TCF12: variants seen among roughly 807,000 people sequenced by gnomAD.
TCF12 encodes the protein transcription factor 12.
A neutral mutation model predicts 86.0 loss-of-function variants in TCF12; 45 were observed. That is an observed-to-expected ratio of 0.52 (90% CI 0.41 to 0.67). TCF12 has a LOEUF of 0.67. TCF12 is among the 30% of genes least tolerant of loss of function. The pLI is 0.00. For missense variants in TCF12, 881 were observed against 859.9 expected, an observed-to-expected ratio of 1.02 and a Z score of -0.31; for synonymous variants, 330 against 299.6, an observed-to-expected ratio of 1.10 and a Z score of -1.05.
chr15:57,257,675 A>AG (rs1266733807), intron 16 of TCF12, among the ~76,000 whole-genome samples: 4 of 26,064 alleles, frequency 1.5e-4, no homozygotes, highest in African/African-American at 4.1e-4. Context: ...AAAAAAAAAA[A>AG]AGTGTATATA....
At chr15:57,065,445 G>C (rs776600641) in intron 4 of TCF12, among the ~76,000 whole-genome samples, 2 of 152,182 alleles carry the variant, frequency 1.3e-5, no homozygotes, top group Non-Finnish European at 1.5e-5. Context: ...ATAGGATCTA[G>C]TTTAGATTTT....
In TCF12 at chr15:57,192,207, C is replaced by A. The variant is rs562344945; in HGVS notation, c.440C>A (p.Ser147Tyr). ...GGGCTTGGGAGCCCAGCACAGCTAT[C>A]TTCTTCAGGAAAACCTGGGACAGCA... ...DLGLGSPAQL[S>Y]SSGKPGTAYY... is the part of the protein sequence containing the mutation. Residue 147 changes from serine (S) to tyrosine (Y), a missense_variant, in exon 7 of 21, where the codon TCT becomes TAT. Around this residue, in one of 3 missense-constraint regions of TCF12, gnomAD observed 766 missense variants for 718.9 expected, o/e 1.07. Transcript: ENST00000333725. 1 of 1,613,926 alleles carries A rather than the reference C, an allele frequency of 6.2e-7. No individual in the cohort carries two copies. The highest frequency in any genetic ancestry group is 1.3e-5 in the African/African-American group (1 of 75,040).
At chr15:57,178,389 T>C (rs577764796) in intron 6 of TCF12, among the ~76,000 whole-genome samples, 1 of 152,136 alleles carries the variant, frequency 6.6e-6, no homozygotes, top group East Asian at 1.9e-4. Flanking sequence ...TCTAATGCTA[T>C]ATTGGGTTTT....
intron 3 of TCF12, among the ~76,000 whole-genome samples, chr15:57,022,468 G>C (rs904206817): frequency 1.3e-5 from 2 of 152,138 alleles, no homozygotes; most frequent in Admixed American, 6.5e-5. Flanking sequence ...GTCTATCATT[G>C]ATGGACATTT....
intron 3 of TCF12, among the ~76,000 whole-genome samples, chr15:56,937,080 A>T (rs1567130155): frequency 6.6e-6 from 1 of 152,022 alleles, no homozygotes; most frequent in East Asian, 1.9e-4. Flanking sequence ...TTTTCACAAT[A>T]TTGATTCTGC....
At chr15:57,027,207 T>G (rs1190654472) in intron 3 of TCF12, among the ~76,000 whole-genome samples, 1 of 152,226 alleles carries the variant, frequency 6.6e-6, no homozygotes, top group Non-Finnish European at 1.5e-5. Context: ...CTCCAGAAAG[T>G]ACCCCCTTTC....
chr15:57,028,214 C>T (rs2915176), intron 3 of TCF12, among the ~76,000 whole-genome samples: 27,572 of 152,090 alleles, frequency 0.18, 3,019 homozygotes, highest in Non-Finnish European at 0.24. Flanking sequence ...GTGATCTGCC[C>T]GCTTTGGCCT....
chr15:56,991,118 T>A (rs2063439159), intron 3 of TCF12, among the ~76,000 whole-genome samples: 1 of 152,124 alleles, frequency 6.6e-6, no homozygotes, highest in South Asian at 2.1e-4. Flanking sequence ...TGTTAACAAA[T>A]CTCAGGGGTT....
intron 3 of TCF12, among the ~76,000 whole-genome samples, chr15:56,986,329 G>T (rs2063177326): frequency 5.3e-5 from 8 of 152,080 alleles, no homozygotes; most frequent in Admixed American, 5.2e-4. Flanking sequence ...CAAAACCAGA[G>T]AAAAAATTTG....
intron 4 of TCF12, among the ~76,000 whole-genome samples, chr15:57,069,190 T>C (rs1332740722): frequency 6.6e-6 from 1 of 152,164 alleles, no homozygotes; most frequent in Non-Finnish European, 1.5e-5. Context: ...TTTTCTAAGA[T>C]ACAGAGTTGG....
intron 3 of TCF12, among the ~76,000 whole-genome samples, chr15:57,010,796 A>G (rs938371124): frequency 7.2e-5 from 11 of 152,158 alleles, no homozygotes; most frequent in African/African-American, 2.4e-4. Flanking sequence ...ATTTAGGAGG[A>G]TGATTAAAAA....
At chr15:57,219,801 C>G (rs1307887771) in intron 8 of TCF12, among the ~76,000 whole-genome samples, 1 of 149,728 alleles carries the variant, frequency 6.7e-6, no homozygotes, top group African/African-American at 2.4e-5. Flanking sequence ...TCTCGGCTCA[C>G]TGCAACCTTC....
At chr15:56,927,815 T>G (rs2060081884) in intron 3 of TCF12, among the ~76,000 whole-genome samples, 1 of 152,136 alleles carries the variant, frequency 6.6e-6, no homozygotes, top group South Asian at 2.1e-4. Flanking sequence ...ATGTTAATGG[T>G]GGAGTTACAT....
chr15:57,196,891 ATAGTTTAT>A (rs2057293070), intron 7 of TCF12, among the ~76,000 whole-genome samples: 1 of 152,202 alleles, frequency 6.6e-6, no homozygotes, highest in Non-Finnish European at 1.5e-5. Flanking sequence ...CCCATATTTA[ATAGTTTAT>A]GTATCATATA....
At chr15:57,020,514 T>C (rs2065413621) in intron 3 of TCF12, among the ~76,000 whole-genome samples, 1 of 152,174 alleles carries the variant, frequency 6.6e-6, no homozygotes, top group African/African-American at 2.4e-5. Flanking sequence ...TTGCCTAATT[T>C]CTGTGTATTA....
At chr15:57,259,126 G>A (rs1229267150) in intron 16 of TCF12, among the ~76,000 whole-genome samples, 2 of 151,952 alleles carry the variant, frequency 1.3e-5, no homozygotes, top group Non-Finnish European at 1.5e-5. Context: ...GCTTTTTTAA[G>A]GGTTTTGGTA....
At chr15:56,933,234 A>G (rs1223215425) in intron 3 of TCF12, among the ~76,000 whole-genome samples, 4 of 152,258 alleles carry the variant, frequency 2.6e-5, no homozygotes, top group African/African-American at 9.6e-5. Context: ...TAAAAATGTT[A>G]TCAAACATAC....
At chr15:57,037,869 G>T (rs1462899357) in intron 3 of TCF12, among the ~76,000 whole-genome samples, 1 of 152,080 alleles carries the variant, frequency 6.6e-6, no homozygotes, top group East Asian at 1.9e-4. Flanking sequence ...TATTGCTAGT[G>T]CTAAAACACA....
At chr15:57,025,912 T>C (rs2065798824) in intron 3 of TCF12, among the ~76,000 whole-genome samples, 1 of 152,212 alleles carries the variant, frequency 6.6e-6, no homozygotes, top group African/African-American at 2.4e-5. Flanking sequence ...TCGTCAACTG[T>C]AGTGACTTAG....
Sources: allele counts gnomAD v4.1 joint callset (sites outside exome capture counted in the v4.1 genomes callset), GRCh38; gene constraint gnomAD v4.1.1; regional missense constraint gnomAD v4.1.1; transcripts MANE v1.5; gene names NCBI Gene and HGNC (gene_info 2026-07-23, HGNC 2026-07-21).